Variants in RSRC2 observed in about 807,000 individuals in gnomAD.
RSRC2 encodes the protein arginine/serine-rich coiled-coil protein 2.
RSRC2 carries 5 observed loss-of-function variants against 61.3 expected under a neutral mutation model. The ratio of observed to expected loss-of-function variants is 0.08; its 90% confidence interval spans 0.04 to 0.17. The LOEUF is 0.17. RSRC2 is among the 10% of genes least tolerant of loss of function. The probability of loss-of-function intolerance (pLI) is 1.00; values close to 1 mark genes in which losing one functional copy is unlikely to be tolerated. For synonymous variants in RSRC2, 202 were observed against 166.5 expected (o/e 1.21, Z -1.64); for missense variants, 381 against 518.8 (o/e 0.73, Z 2.58).
chr12:122,524,943 G>A (rs1338560277), intron 1 of RSRC2, among the ~76,000 whole-genome samples: 2 of 152,090 alleles, frequency 1.3e-5, no homozygotes, highest in Admixed American at 6.6e-5. Context: ...CTCTAATAAC[G>A]GCTCGAAACA....
chr12:122,503,903 C>T lies in RSRC2; in HGVS notation c.*1624G>A, dbSNP rs1957995371. On this transcript the variant is annotated 3_prime_UTR_variant, in exon 10 of 10. Transcript: ENST00000331738. ...TTCAAGACCAACCTGGGCAACGTAACAAGACCTTGTCTTTATAAAAAATTA... is the reference window on the plus strand; with the variant it reads ...TTCAAGACCAACCTGGGCAACGTAATAAGACCTTGTCTTTATAAAAAATTA... 1 of 151,902 alleles carries T rather than the reference C, an allele frequency of 6.6e-6. No individual in the cohort carries two copies. The highest frequency in any genetic ancestry group is 1.5e-5 in the Non-Finnish European group (1 of 67,994). 9.4% of individuals were successfully genotyped at this position (151,902 alleles called of 1,614,324 possible).
intron 2 of RSRC2, among the ~76,000 whole-genome samples, 177 bp downstream of exon 2, chr12:122,521,966 T>C (rs1255078803): frequency 2.6e-5 from 4 of 152,188 alleles, no homozygotes; most frequent in Admixed American, 1.3e-4. Flanking sequence ...GTGTCAATTT[T>C]TGTATTTTTG....
intron 4 of RSRC2, 72 bp from the exon 5 acceptor site, chr12:122,517,502 G>A: frequency 6.4e-7 from 1 of 1,571,110 alleles, no homozygotes; most frequent in Non-Finnish European, 8.7e-7. Context: ...TCATGAATTA[G>A]TTACTTGTAG....
chr12:122,517,378 C>T lies in RSRC2; in HGVS notation c.451G>A (p.Glu151Lys), dbSNP rs759756491. The change falls in exon 5 of 10, where the codon GAG becomes AAG. Residue 151 changes from glutamate to lysine, a missense_variant. Glu to Lys is a moderately conservative substitution (Grantham distance 56). Coordinates refer to ENST00000331738, the MANE Select transcript of RSRC2 (RefSeq NM_023012.6). ...CTTCTGGATCTCGATTTCTTCCGCT[C>T]CCTACTCCTGGATCGAGACTTCTTC... The part of the protein sequence containing the change: ...ERKKSRSRSR[E>K]RKKSRSRSRE... The T allele has an allele frequency of 6.8e-6, 11 of 1,614,110 alleles. No homozygotes were observed. Among genetic ancestry groups the T allele is most frequent in the Non-Finnish European group, 9.3e-6 (11 of 1,180,026 alleles).
chr12:122,521,507 G>C (rs1959210755), intron 2 of RSRC2, 79 bp from the exon 3 acceptor site: 1 of 1,215,864 alleles, frequency 8.2e-7, no homozygotes, highest in Admixed American at 1.8e-5. Flanking sequence ...TAATGCTGGA[G>C]AAAAATGACT....
intron 1 of RSRC2, 73 bp from the exon 2 acceptor site, chr12:122,522,372 CA>C: frequency 7.3e-7 from 1 of 1,378,534 alleles, no homozygotes; most frequent in South Asian, 1.5e-5. Context: ...AAAAGAGGGA[CA>C]AAGGGAGGGA....
rs1261571652 is a variant in RSRC2 at position 122,504,030 on chromosome 12, G to C, written c.*1497C>G. The C allele has an allele frequency of 6.6e-6, 1 of 151,856 alleles. No individual in the cohort carries two copies. The highest frequency in any genetic ancestry group is 2.4e-5 in the African/African-American group (1 of 41,318). 9.4% of individuals were successfully genotyped at this position (151,856 alleles called of 1,614,324 possible). A position where few individuals can be genotyped will look rare whatever the true frequency, so the allele number is the denominator to read the frequency against. The stretch of plus-strand genomic sequence containing the variant: ...CTGGGGGAGCCTGCTGCAATGCACT[G>C]CACTCCAGCCTAGGACAGAAAGCAA... On this transcript the variant is annotated 3_prime_UTR_variant, in exon 10 of 10. Coordinates refer to ENST00000331738, the MANE Select transcript of RSRC2 (RefSeq NM_023012.6).
chr12:122,514,922 CTTATAG>C, intron 6 of RSRC2, 177 bp downstream of exon 6: 1 of 733,898 alleles, frequency 1.4e-6, no homozygotes, highest in Non-Finnish European at 2.1e-6. Flanking sequence ...ACATCTCAAT[CTTATAG>C]TTGTGCAAAT....
Position 122,505,384 on chromosome 12 carries a change from A to T in RSRC2, c.*143T>A. 1 of 703,480 alleles carries T rather than the reference A, an allele frequency of 1.4e-6. No individual in the cohort carries two copies. The highest frequency in any genetic ancestry group is 2.3e-6 in the Non-Finnish European group (1 of 435,186). 43.6% of individuals were successfully genotyped at this position (703,480 alleles called of 1,614,324 possible). On this transcript the variant is annotated 3_prime_UTR_variant, in exon 10 of 10. Transcript: ENST00000331738. ...CACTAACACCAGTATCACTGATCTG[A>T]TATTTACAAAAATTTGTATTTTTCA...
At position 122,522,322 on chromosome 12, in the gene RSRC2, T is replaced by C. The variant is rs755885680; in HGVS notation, c.7-23A>G. Reference sequence around the variant, plus strand: ...AGCCTAAAAGTTTAAAAACAAATGATTAAAGTTCTTAATTACATTTTAAAT... The same window carrying C: ...AGCCTAAAAGTTTAAAAACAAATGACTAAAGTTCTTAATTACATTTTAAAT... On this transcript the variant is annotated intron_variant, in intron 1 of 9. Coordinates refer to ENST00000331738, the MANE Select transcript of RSRC2 (RefSeq NM_023012.6). The C allele has an allele frequency of 3.8e-6, 6 of 1,562,812 alleles. No individual in the cohort carries two copies. The African/African-American group carries it at 5.5e-5, about 14-fold the overall frequency.
intron 4 of RSRC2, among the ~76,000 whole-genome samples, chr12:122,518,089 G>A (rs1373495147): frequency 6.6e-6 from 1 of 151,970 alleles, no homozygotes; most frequent in Admixed American, 6.6e-5. Flanking sequence ...TTGAGCCCAG[G>A]GATTCGTGAA....
chr12:122,525,161 G>A (rs537611461), intron 1 of RSRC2, among the ~76,000 whole-genome samples: 1 of 152,188 alleles, frequency 6.6e-6, no homozygotes, highest in South Asian at 2.1e-4. Context: ...ATCATCTGAG[G>A]TCAGGAGTTC....
chr12:122,515,806 A>G (rs1958867784), intron 5 of RSRC2, among the ~76,000 whole-genome samples: 1 of 152,194 alleles, frequency 6.6e-6, no homozygotes, highest in Non-Finnish European at 1.5e-5. Flanking sequence ...CCTGGCCAAC[A>G]TGGTGAAACC....
chr12:122,517,041 A>G (rs1337941296), intron 5 of RSRC2, among the ~76,000 whole-genome samples, 186 bp downstream of exon 5: 1 of 152,242 alleles, frequency 6.6e-6, no homozygotes, highest in Non-Finnish European at 1.5e-5. Flanking sequence ...ATCAATCACG[A>G]GAATACCTGT....
Position 122,508,362 on chromosome 12 carries a change from A to C in RSRC2, c.891T>G (p.Ala297=). 1 of 1,614,106 alleles carries C rather than the reference A, an allele frequency of 6.2e-7. No homozygotes were observed. Among genetic ancestry groups the C allele is most frequent in the Non-Finnish European group, 8.5e-7 (1 of 1,180,000 alleles). The stretch of plus-strand genomic sequence containing the variant: ...CTTTAGCTTGCAGGGCTGCCATCTG[A>C]GCTGCCATGGCTATCTGAGGTGTTA... The part of the protein sequence containing the change: ...TQVTPQIAMA[A]QMAALQAKAL... Residue 297 remains alanine (A), a synonymous_variant, in exon 8 of 10, where the codon GCT becomes GCG. Coordinates refer to ENST00000331738, the MANE Select transcript of RSRC2 (RefSeq NM_023012.6).
intron 7 of RSRC2, among the ~76,000 whole-genome samples, chr12:122,510,557 A>G (rs1162047667): frequency 6.6e-6 from 1 of 152,178 alleles, no homozygotes; most frequent in African/African-American, 2.4e-5. Context: ...CATGATGACT[A>G]GTGTTACATA....
At position 122,506,877 on chromosome 12, in the gene RSRC2, T is replaced by C; in HGVS notation, c.1082A>G (p.Asn361Ser). The change falls in exon 9 of 10, where the codon AAC (asparagine) becomes AGC (serine). Residue 361 changes from asparagine to serine, a missense_variant. Coordinates refer to ENST00000331738, the MANE Select transcript of RSRC2 (RefSeq NM_023012.6). Reference protein sequence around the residue: ...AEIWEKLNFGNKDQNVKFRKL... With the variant: ...AEIWEKLNFGSKDQNVKFRKL... ...CCTAAATTTGACATTTTGGTCCTTG[T>C]TTCCAAAATTCAATTTTTCCCATAT... 1 of 1,611,560 alleles carries C rather than the reference T, an allele frequency of 6.2e-7. No homozygotes were observed.
chr12:122,520,396 C>A, intron 3 of RSRC2: 1 of 643,156 alleles, frequency 1.6e-6, no homozygotes, highest in Admixed American at 2.3e-5. Context: ...TTATTTCAAA[C>A]CAGTTTTTCA....
intron 6 of RSRC2, among the ~76,000 whole-genome samples, chr12:122,512,236 G>GT (rs1958577201): frequency 6.6e-6 from 1 of 152,164 alleles, no homozygotes; most frequent in Non-Finnish European, 1.5e-5. Flanking sequence ...CAAATAACAA[G>GT]TAACATTATC....
Sources: gnomAD v4.1 joint callset for allele counts (sites outside exome capture counted in the v4.1 genomes callset) on GRCh38, gnomAD v4.1.1 for gene constraint, MANE v1.5 for transcripts, NCBI Gene and HGNC (gene_info 2026-07-23, HGNC 2026-07-21) for gene names.